MAST4: variants seen among roughly 807,000 people sequenced by gnomAD.
MAST4 encodes the protein microtubule-associated serine/threonine-protein kinase 4.
MAST4 carries 89 observed loss-of-function variants against 162.7 expected under a neutral mutation model. That is an observed-to-expected ratio of 0.55 (90% CI 0.46 to 0.65). The LOEUF is 0.65. MAST4 is among the 30% of genes least tolerant of loss of function. The probability of loss-of-function intolerance (pLI) is 0.00; values close to 1 mark genes in which losing one functional copy is unlikely to be tolerated. For synonymous variants in MAST4, 1,479 were observed against 1,361.1 expected (o/e 1.09, Z -1.91); for missense variants, 3,153 against 3,374.0 (o/e 0.93, Z 1.62).
intron 2 of MAST4, among the ~76,000 whole-genome samples, chr5:66,767,077 T>C (rs2149628031): frequency 6.6e-6 from 1 of 152,246 alleles, no homozygotes; most frequent in South Asian, 2.1e-4. Context: ...TTCTGACTTC[T>C]TAAAAGTCCC....
At chr5:66,903,592 A>G (rs772563293) in intron 4 of MAST4, among the ~76,000 whole-genome samples, 1 of 152,150 alleles carries the variant, frequency 6.6e-6, no homozygotes, top group Non-Finnish European at 1.5e-5. Flanking sequence ...AAAAATTATG[A>G]TGATAAATTG....
chr5:67,165,285 T>A lies in MAST4; in HGVS notation c.6106T>A (p.Trp2036Arg). 6.2e-7 allele frequency: 1 copy of A among 1,613,378 alleles called. No homozygotes were observed. Among genetic ancestry groups the A allele is most frequent in the Non-Finnish European group, 8.5e-7 (1 of 1,179,856 alleles). ...YTQTQAMEKA[W>R]APGGKTNHKD... is the part of the protein sequence containing the mutation. ...ACAGACCCAGGCCATGGAGAAAGCA[T>A]GGGCGCCGGGTGGGAAAACGAACCA... Residue 2036 changes from tryptophan to arginine, a missense_variant, in exon 29 of 29, where the codon TGG (tryptophan) becomes AGG (arginine). Physicochemically the swap from Trp to Arg is moderately radical, Grantham distance 101. This residue lies in a region of MAST4 where 1,644 missense variants were observed against 1,495.0 expected (regional missense o/e 1.10). Transcript: ENST00000403625.
chr5:66,976,864 C>A (rs950290640), intron 4 of MAST4, among the ~76,000 whole-genome samples: 1 of 149,500 alleles, frequency 6.7e-6, no homozygotes, highest in Non-Finnish European at 1.5e-5. Flanking sequence ...TAACTAAGTA[C>A]CCTTTTTAAC....
At chr5:66,962,567 G>A (rs1022351275) in intron 4 of MAST4, among the ~76,000 whole-genome samples, 4 of 152,158 alleles carry the variant, frequency 2.6e-5, no homozygotes, top group Non-Finnish European at 4.4e-5. Flanking sequence ...AATTAGCCAG[G>A]TATGGTTGTG....
chr5:67,070,297 G>T (rs1313746594), intron 5 of MAST4, among the ~76,000 whole-genome samples: 1 of 152,144 alleles, frequency 6.6e-6, no homozygotes, highest in Non-Finnish European at 1.5e-5. Context: ...CACATAAGCA[G>T]TATCAGTCTG....
At chr5:66,795,347 G>C (rs901573885) in intron 3 of MAST4, among the ~76,000 whole-genome samples, 22 of 152,152 alleles carry the variant, frequency 1.4e-4, no homozygotes, top group Admixed American at 3.9e-4. Flanking sequence ...TGCAAATAAT[G>C]GTGGTGAGTG....
At chr5:66,897,263 A>G (rs1202812825) in intron 3 of MAST4, among the ~76,000 whole-genome samples, 1 of 152,228 alleles carries the variant, frequency 6.6e-6, no homozygotes, top group African/African-American at 2.4e-5. Flanking sequence ...TTTATGACCC[A>G]GACCAATACC....
intron 4 of MAST4, among the ~76,000 whole-genome samples, chr5:66,917,729 ACT>A (rs1200862734): frequency 6.6e-6 from 1 of 151,430 alleles, no homozygotes; most frequent in African/African-American, 2.4e-5. Flanking sequence ...CTATTTCTGG[ACT>A]CTCTATTCTA....
At chr5:67,144,127 C>T (rs923446936) in intron 21 of MAST4, among the ~76,000 whole-genome samples, 7 of 152,102 alleles carry the variant, frequency 4.6e-5, no homozygotes, top group Non-Finnish European at 7.4e-5. Flanking sequence ...GATTTGTAAG[C>T]GAAACAAATA....
chr5:67,077,749 G>T (rs189948627), intron 5 of MAST4, among the ~76,000 whole-genome samples: 1 of 152,288 alleles, frequency 6.6e-6, no homozygotes, highest in Admixed American at 6.5e-5. Context: ...CTGCTATCTT[G>T]CTCCTTATAA....
chr5:66,835,599 T>C (rs1757910350), intron 3 of MAST4, among the ~76,000 whole-genome samples: 1 of 152,148 alleles, frequency 6.6e-6, no homozygotes, highest in Non-Finnish European at 1.5e-5. Context: ...ATAAACTAGA[T>C]AAACTATAAA....
At chr5:67,032,071 A>G (rs1755405482) in intron 4 of MAST4, among the ~76,000 whole-genome samples, 1 of 152,140 alleles carries the variant, frequency 6.6e-6, no homozygotes, top group African/African-American at 2.4e-5. Context: ...TGGCTGCTTT[A>G]ACTCATTTAA....
intron 4 of MAST4, among the ~76,000 whole-genome samples, chr5:66,932,868 AAGTCTGTACTTGGT>A (rs1192198065): frequency 6.6e-6 from 1 of 152,190 alleles, no homozygotes; most frequent in African/African-American, 2.4e-5. Flanking sequence ...TATTCATCTG[AAGTCTGTACTTGGT>A]GAAAATAAGT....
chr5:66,964,109 C>T (rs1442121100), intron 4 of MAST4: 1 of 511,466 alleles, frequency 2.0e-6, no homozygotes, highest in Non-Finnish European at 3.8e-6. Flanking sequence ...TTCTAGAAAA[C>T]ATTTCCTAAT....
chr5:67,016,643 A>C (rs888629816), intron 4 of MAST4, among the ~76,000 whole-genome samples: 7 of 152,214 alleles, frequency 4.6e-5, no homozygotes, highest in Non-Finnish European at 4.4e-5. Flanking sequence ...TTAAAGTATC[A>C]CAGTTTATGA....
intron 4 of MAST4, among the ~76,000 whole-genome samples, chr5:67,048,224 A>G (rs911982037): frequency 3.3e-5 from 5 of 152,178 alleles, no homozygotes; most frequent in African/African-American, 1.2e-4. Context: ...AATGTCCATG[A>G]TATATAATTT....
chr5:67,050,099 A>G (rs762688709), intron 4 of MAST4, among the ~76,000 whole-genome samples: 8 of 152,336 alleles, frequency 5.3e-5, no homozygotes, highest in South Asian at 4.1e-4. Flanking sequence ...TTAGTAGCCC[A>G]TAGTCCTCTT....
chr5:66,697,066 A>G (rs867915143), intron 1 of MAST4, among the ~76,000 whole-genome samples: 1 of 152,248 alleles, frequency 6.6e-6, no homozygotes, highest in South Asian at 2.1e-4. Flanking sequence ...TGGACAGACT[A>G]TGGTTATCAG....
intron 24 of MAST4, among the ~76,000 whole-genome samples, chr5:67,150,904 T>C (rs1771715835): frequency 6.6e-6 from 1 of 152,098 alleles, no homozygotes; most frequent in Non-Finnish European, 1.5e-5. Flanking sequence ...ACAGTTGGCT[T>C]TGCTCTTCTT....
Sources: gnomAD v4.1 joint callset for allele counts (sites outside exome capture counted in the v4.1 genomes callset) on GRCh38, gnomAD v4.1.1 for gene constraint, gnomAD v4.1.1 regional missense constraint, MANE v1.5 for transcripts, NCBI Gene and HGNC (gene_info 2026-07-23, HGNC 2026-07-21) for gene names.